TAFA1: variants seen among roughly 807,000 people sequenced by gnomAD.
TAFA1 encodes the protein TAFA chemokine like family member 1.
TAFA1 carries 4 observed loss-of-function variants against 18.5 expected under a neutral mutation model. The observed-to-expected ratio is 0.22, with a 90% confidence interval of 0.11 to 0.49. The LOEUF is 0.49. TAFA1 is among the 20% of genes least tolerant of loss of function. The pLI is 0.98. For synonymous variants in TAFA1, 56 were observed against 55.2 expected (o/e 1.01, Z -0.06); for missense variants, 147 against 169.0 (o/e 0.87, Z 0.72).
At chr3:68,239,035 A>C (rs2066965398) in intron 2 of TAFA1, among the ~76,000 whole-genome samples, 1 of 152,182 alleles carries the variant, frequency 6.6e-6, no homozygotes, top group African/African-American at 2.4e-5. Context: ...CTTCAGTGAA[A>C]TATCACTTTT....
intron 3 of TAFA1, among the ~76,000 whole-genome samples, chr3:68,520,630 GAC>G (rs1179975385): frequency 6.6e-6 from 1 of 152,160 alleles, no homozygotes; most frequent in Non-Finnish European, 1.5e-5. Flanking sequence ...CATTACCACT[GAC>G]ACAGAAGTAT....
At chr3:68,070,276 C>T (rs1465519987) in intron 2 of TAFA1, among the ~76,000 whole-genome samples, 1 of 152,250 alleles carries the variant, frequency 6.6e-6, no homozygotes, top group African/African-American at 2.4e-5. Context: ...GCAGGCTCAA[C>T]ATCACATGGA....
intron 2 of TAFA1, among the ~76,000 whole-genome samples, chr3:68,396,826 C>T (rs2070391547): frequency 6.6e-6 from 1 of 152,136 alleles, no homozygotes; most frequent in South Asian, 2.1e-4. Flanking sequence ...CGTTATTTTA[C>T]CTGTTAAAAT....
At chr3:68,343,992 C>T (rs554721840) in intron 2 of TAFA1, among the ~76,000 whole-genome samples, 29 of 152,128 alleles carry the variant, frequency 1.9e-4, no homozygotes, top group Admixed American at 1.2e-3. Context: ...TACAGGCATG[C>T]GCCACCACGC....
chr3:68,518,347 A>G (rs571223897), intron 3 of TAFA1, among the ~76,000 whole-genome samples: 1 of 152,148 alleles, frequency 6.6e-6, no homozygotes, highest in Non-Finnish European at 1.5e-5. Context: ...AATTCTCCCT[A>G]TGATTTCAAA....
intron 3 of TAFA1, among the ~76,000 whole-genome samples, chr3:68,515,749 G>A (rs1443611809): frequency 1.3e-5 from 2 of 152,184 alleles, no homozygotes; most frequent in Non-Finnish European, 2.9e-5. Context: ...TTCCTTATGT[G>A]TAAAATGTGG....
At chr3:68,278,365 C>T (rs2067833386) in intron 2 of TAFA1, among the ~76,000 whole-genome samples, 1 of 152,146 alleles carries the variant, frequency 6.6e-6, no homozygotes, top group African/African-American at 2.4e-5. Context: ...TACCCGTCAC[C>T]CAGCTTCAAT....
intron 2 of TAFA1, among the ~76,000 whole-genome samples, chr3:68,119,023 C>T (rs1439493322): frequency 6.6e-6 from 1 of 151,728 alleles, no homozygotes; most frequent in African/African-American, 2.4e-5. Context: ...TTTCCACATC[C>T]TTGCCAAAAC....
chr3:68,442,963 A>G (rs1463615053), intron 3 of TAFA1, among the ~76,000 whole-genome samples: 1 of 152,112 alleles, frequency 6.6e-6, no homozygotes, highest in Admixed American at 6.6e-5. Flanking sequence ...ATAAAAATTG[A>G]TTCAGGTGTA....
Position 68,334,075 on chromosome 3 carries a change from A to G in TAFA1, c.119-83205A>G, listed in dbSNP as rs977153735. Among the ~76,000 whole-genome samples, 9 of 152,340 alleles carry G rather than the reference A, an allele frequency of 5.9e-5. No individual in the cohort carries two copies. In the East Asian group the frequency reaches 1.7e-3, roughly 29 times the overall value. Reference sequence around the variant, plus strand: ...AAGATGAAAAAGTTCAGGAGGCCCAATGTGCAACATGGAAACTATAGTTAA... The same window carrying G: ...AAGATGAAAAAGTTCAGGAGGCCCAGTGTGCAACATGGAAACTATAGTTAA... On this transcript the variant is annotated intron_variant, in intron 2 of 4. Coordinates refer to ENST00000478136, the MANE Select transcript of TAFA1 (RefSeq NM_213609.4).
At chr3:68,327,310 T>G (rs1400233440) in intron 2 of TAFA1, among the ~76,000 whole-genome samples, 1 of 152,192 alleles carries the variant, frequency 6.6e-6, no homozygotes, top group African/African-American at 2.4e-5. Flanking sequence ...TGTATTTGGA[T>G]ATTAACCGGG....
chr3:68,106,660 T>C (rs890844636), intron 2 of TAFA1, among the ~76,000 whole-genome samples: 4 of 152,232 alleles, frequency 2.6e-5, no homozygotes, highest in African/African-American at 7.2e-5. Context: ...GGCAAGTCGA[T>C]GGACTGGGAG....
intron 2 of TAFA1, among the ~76,000 whole-genome samples, chr3:68,099,111 C>A (rs575590907): frequency 6.6e-6 from 1 of 152,084 alleles, no homozygotes; most frequent in Non-Finnish European, 1.5e-5. Context: ...GAATTTACGA[C>A]TAAGTTCTCA....
At chr3:68,420,777 T>C (rs1445128330) in intron 3 of TAFA1, among the ~76,000 whole-genome samples, 1 of 152,078 alleles carries the variant, frequency 6.6e-6, no homozygotes, top group Non-Finnish European at 1.5e-5. Flanking sequence ...GAGCTCAAAA[T>C]GTCAATGGTG....
chr3:68,488,224 A>T (rs149122931), intron 3 of TAFA1, among the ~76,000 whole-genome samples: 37 of 152,306 alleles, frequency 2.4e-4, no homozygotes, highest in African/African-American at 8.7e-4. Flanking sequence ...CAGAGTCCCA[A>T]AGCTGAAGAA....
intron 2 of TAFA1, among the ~76,000 whole-genome samples, chr3:68,053,336 C>G (rs2064495470): frequency 6.6e-6 from 1 of 152,016 alleles, no homozygotes; most frequent in East Asian, 1.9e-4. Flanking sequence ...CATAGGTTGC[C>G]TATTTAAATC....
intron 2 of TAFA1, among the ~76,000 whole-genome samples, chr3:68,345,054 G>A (rs1347635104): frequency 6.6e-6 from 1 of 151,362 alleles, no homozygotes; most frequent in Non-Finnish European, 1.5e-5. Flanking sequence ...AAAATTCAAG[G>A]AAATCTAGTG....
intron 2 of TAFA1, among the ~76,000 whole-genome samples, chr3:68,195,401 T>C (rs1379772404): frequency 2.7e-5 from 4 of 148,380 alleles, no homozygotes; most frequent in African/African-American, 1.0e-4. Flanking sequence ...GGACTTCTTG[T>C]ATATAGGTGC....
At chr3:68,255,330 G>C (rs1309572123) in intron 2 of TAFA1, among the ~76,000 whole-genome samples, 1 of 151,966 alleles carries the variant, frequency 6.6e-6, no homozygotes, top group Non-Finnish European at 1.5e-5. Context: ...GTTCAATTTA[G>C]AAAAACATAA....
Sources: gnomAD v4.1 joint callset for allele counts (sites outside exome capture counted in the v4.1 genomes callset) on GRCh38, gnomAD v4.1.1 for gene constraint, MANE v1.5 for transcripts, NCBI Gene and HGNC (gene_info 2026-07-23, HGNC 2026-07-21) for gene names.